The following SNTG1 variants were observed in gnomAD, a reference collection of about 807,000 sequenced individuals.
SNTG1 encodes the protein gamma-1-syntrophin.
Under a neutral mutation model 74.7 loss-of-function variants are expected in SNTG1, and 39 were observed. The observed-to-expected ratio is 0.52, with a 90% CI of 0.40 to 0.68. SNTG1 has a LOEUF of 0.68. Among genes scored for constraint, SNTG1 ranks in the 30% least tolerant of loss-of-function variants. The pLI, the probability that SNTG1 is intolerant of heterozygous loss-of-function variation, is 0.00. For missense variants in SNTG1, 685 were observed against 609.5 expected (o/e 1.12, Z -1.30); for synonymous variants, 254 against 217.1 (o/e 1.17, Z -1.49).
chr8:50,199,993 C>T (rs2083925305), intron 2 of SNTG1, among the ~76,000 whole-genome samples: 2 of 140,766 alleles, frequency 1.4e-5, no homozygotes, highest in African/African-American at 5.2e-5. Flanking sequence ...GTATCATTCC[C>T]CCAACAAATT....
At chr8:50,612,370 G>C (rs2094856711) in intron 13 of SNTG1, among the ~76,000 whole-genome samples, 1 of 152,102 alleles carries the variant, frequency 6.6e-6, no homozygotes, top group Non-Finnish European at 1.5e-5. Context: ...GCTCTAAAAT[G>C]TACTCACTTG....
At chr8:50,628,079 A>G (rs1359436239) in intron 13 of SNTG1, among the ~76,000 whole-genome samples, 2 of 152,340 alleles carry the variant, frequency 1.3e-5, no homozygotes, top group Non-Finnish European at 1.5e-5. Flanking sequence ...GCCACCAGTC[A>G]TCTCATGGAA....
In SNTG1 at chr8:50,056,977, T is replaced by C. The variant is rs111843094; in HGVS notation, c.-102-115584T>C. Among the ~76,000 whole-genome samples, 153 of 152,316 alleles carry C rather than the reference T, an allele frequency of 1.0e-3. 2 individuals carry two copies. Among genetic ancestry groups the C allele is most frequent in the African/African-American group, 3.4e-3 (142 of 41,586 alleles). ...TCTACCCTGTGTTTTGAGATTTAACTTATAATTTATTATATCAAACCTAAG... is the reference window on the plus strand; with the variant it reads ...TCTACCCTGTGTTTTGAGATTTAACCTATAATTTATTATATCAAACCTAAG... On this transcript the variant is annotated intron_variant, in intron 1 of 18. Coordinates refer to ENST00000642720, the MANE Select transcript of SNTG1 (RefSeq NM_018967.5).
chr8:50,251,221 T>C (rs1253722332), intron 2 of SNTG1, among the ~76,000 whole-genome samples: 1 of 151,852 alleles, frequency 6.6e-6, no homozygotes, highest in Non-Finnish European at 1.5e-5. Flanking sequence ...GACAAAATTA[T>C]AGTAAATGTG....
intron 13 of SNTG1, among the ~76,000 whole-genome samples, chr8:50,632,670 G>A (rs1212449421): frequency 2.0e-5 from 3 of 152,216 alleles, no homozygotes; most frequent in African/African-American, 7.2e-5. Context: ...TTACTATTAT[G>A]AAATAATAAA....
At chr8:50,424,189 G>A (rs1447934127) in intron 4 of SNTG1, among the ~76,000 whole-genome samples, 4 of 152,108 alleles carry the variant, frequency 2.6e-5, no homozygotes, top group Non-Finnish European at 5.9e-5. Flanking sequence ...ATTAAACATG[G>A]AGAGATAGCG....
intron 1 of SNTG1, among the ~76,000 whole-genome samples, chr8:50,149,879 CT>C (rs1311437146): frequency 6.6e-6 from 1 of 152,070 alleles, no homozygotes; most frequent in Non-Finnish European, 1.5e-5. Context: ...AATGCGGGTT[CT>C]TTTTTGGTTC....
intron 2 of SNTG1, among the ~76,000 whole-genome samples, chr8:50,217,336 C>A (rs1382606900): frequency 6.6e-6 from 1 of 151,786 alleles, no homozygotes; most frequent in Non-Finnish European, 1.5e-5. Context: ...TCATTTTTTT[C>A]AATCACTGGG....
intron 2 of SNTG1, among the ~76,000 whole-genome samples, chr8:50,359,941 C>T (rs779800507): frequency 2.0e-5 from 3 of 152,002 alleles, no homozygotes; most frequent in Non-Finnish European, 4.4e-5. Flanking sequence ...TTTCTAACCA[C>T]ATTAGTGCAC....
At chr8:50,099,556 G>C (rs1301184653) in intron 1 of SNTG1, among the ~76,000 whole-genome samples, 1 of 152,104 alleles carries the variant, frequency 6.6e-6, no homozygotes, top group Admixed American at 6.5e-5. Context: ...GCAGCTTCTT[G>C]AGGAAACTTC....
intron 18 of SNTG1, among the ~76,000 whole-genome samples, chr8:50,782,421 T>A (rs2095662329): frequency 6.6e-6 from 1 of 152,216 alleles, no homozygotes; most frequent in Non-Finnish European, 1.5e-5. Flanking sequence ...TTCTTTTTTC[T>A]CTAAACTTTC....
intron 10 of SNTG1, among the ~76,000 whole-genome samples, chr8:50,532,226 T>A (rs2094274488): frequency 6.6e-6 from 1 of 152,050 alleles, no homozygotes; most frequent in South Asian, 2.1e-4. Flanking sequence ...TAGAGAATAA[T>A]AATAAAACCG....
chr8:50,198,457 C>T (rs1175255255), intron 2 of SNTG1, among the ~76,000 whole-genome samples: 1 of 152,074 alleles, frequency 6.6e-6, no homozygotes, highest in East Asian at 1.9e-4. Flanking sequence ...GAAGATTTTT[C>T]TCCAGCCTTG....
intron 13 of SNTG1, among the ~76,000 whole-genome samples, chr8:50,609,308 A>G (rs929274014): frequency 1.3e-5 from 2 of 152,132 alleles, no homozygotes; most frequent in Non-Finnish European, 2.9e-5. Context: ...TAGTTTTATT[A>G]GAAATTGAAA....
At chr8:50,358,273 G>A (rs2091872589) in intron 2 of SNTG1, among the ~76,000 whole-genome samples, 1 of 152,162 alleles carries the variant, frequency 6.6e-6, no homozygotes, top group Non-Finnish European at 1.5e-5. Flanking sequence ...TTTTCAGTTT[G>A]TTTGCAAGAA....
intron 8 of SNTG1, among the ~76,000 whole-genome samples, chr8:50,498,281 A>G (rs182566): frequency 0.86 from 130,291 of 151,788 alleles, 56,051 homozygotes; most frequent in Non-Finnish European, 0.89. Context: ...AGTATGTGAG[A>G]CATACATAAT....
intron 8 of SNTG1, among the ~76,000 whole-genome samples, chr8:50,483,537 C>T (rs2093757991): frequency 6.6e-6 from 1 of 152,036 alleles, no homozygotes; most frequent in East Asian, 1.9e-4. Context: ...CCCAACAATG[C>T]TGCTAATGGT....
At chr8:50,491,016 C>T (rs2093847620) in intron 8 of SNTG1, 1 of 153,116 alleles carries the variant, frequency 6.5e-6, no homozygotes, top group African/African-American at 2.4e-5. Context: ...CATCAGGAGA[C>T]TGGAAAAGCC....
At chr8:50,059,670 A>G (rs1820314000) in intron 1 of SNTG1, among the ~76,000 whole-genome samples, 1 of 152,084 alleles carries the variant, frequency 6.6e-6, no homozygotes, top group African/African-American at 2.4e-5. Context: ...AGTGTGTATC[A>G]CCTAGATTTT....
Sources: gnomAD v4.1 joint callset for allele counts (sites outside exome capture counted in the v4.1 genomes callset) on GRCh38, gnomAD v4.1.1 for gene constraint, MANE v1.5 for transcripts, NCBI Gene and HGNC (gene_info 2026-07-23, HGNC 2026-07-21) for gene names.